Variants in SYN3 observed in about 807,000 individuals in gnomAD.
The protein encoded by SYN3 is synapsin III.
In SYN3, 35 loss-of-function variants were observed where a neutral mutation model predicts 65.8. The ratio of observed to expected loss-of-function variants is 0.53; its 90% CI spans 0.41 to 0.70. The LOEUF is 0.70. SYN3 is among the 30% of genes least tolerant of loss of function. SYN3 has a pLI of 0.00. For missense variants in SYN3, 680 were observed against 749.0 expected, an observed-to-expected ratio of 0.91 and a Z score of 1.08; for synonymous variants, 270 against 292.9, an observed-to-expected ratio of 0.92 and a Z score of 0.80.
intron 4 of SYN3, among the ~76,000 whole-genome samples, chr22:32,894,226 A>G (rs560258388): frequency 6.0e-4 from 91 of 152,360 alleles, no homozygotes; most frequent in African/African-American, 2.1e-3. Context: ...TCAGTCACCA[A>G]ATTGTAGCCT....
chr22:33,049,743 G>A (rs5754396), intron 1 of SYN3, among the ~76,000 whole-genome samples: 14 of 152,258 alleles, frequency 9.2e-5, no homozygotes, highest in East Asian at 3.9e-4. Context: ...GGTGCCAGCC[G>A]CACGCAGGAG....
At chr22:32,811,257 A>G (rs1258938392) in intron 6 of SYN3, among the ~76,000 whole-genome samples, 1 of 152,152 alleles carries the variant, frequency 6.6e-6, no homozygotes, top group Admixed American at 6.5e-5. Flanking sequence ...GGAGCCAAAG[A>G]CTCAGGTGGA....
At chr22:32,740,166 CA>C (rs1294173810) in intron 6 of SYN3, among the ~76,000 whole-genome samples, 1 of 152,158 alleles carries the variant, frequency 6.6e-6, no homozygotes, top group Non-Finnish European at 1.5e-5. Context: ...GGGTTAGACT[CA>C]AAATGGAACT....
intron 3 of SYN3, among the ~76,000 whole-genome samples, chr22:32,953,507 T>C (rs1284359826): frequency 1.7e-5 from 2 of 119,442 alleles, no homozygotes; most frequent in East Asian, 2.4e-4. Context: ...CAAAGTGAGG[T>C]AGCAAAACCT....
chr22:32,705,549 G>C (rs1378269823), intron 6 of SYN3, among the ~76,000 whole-genome samples: 2 of 152,140 alleles, frequency 1.3e-5, no homozygotes, highest in Non-Finnish European at 2.9e-5. Flanking sequence ...CTCTTTTATG[G>C]TTCCATGTAA....
intron 1 of SYN3, among the ~76,000 whole-genome samples, chr22:33,016,698 T>C (rs1364089532): frequency 2.0e-5 from 3 of 152,236 alleles, no homozygotes; most frequent in Non-Finnish European, 4.4e-5. Flanking sequence ...CACTTGTATG[T>C]CTTCTTTTGA....
At chr22:32,613,237 C>T (rs1212867131) in intron 6 of SYN3, among the ~76,000 whole-genome samples, 1 of 151,768 alleles carries the variant, frequency 6.6e-6, no homozygotes, top group Non-Finnish European at 1.5e-5. Context: ...TACCCAGTCT[C>T]AGGTAGTTCT....
chr22:32,707,837 C>G (rs766999912), intron 6 of SYN3, among the ~76,000 whole-genome samples: 4 of 152,186 alleles, frequency 2.6e-5, no homozygotes, highest in Non-Finnish European at 4.4e-5. Flanking sequence ...TCCATAAGGG[C>G]TCCTGGGCTG....
chr22:32,881,529 C>T (rs1056306006), intron 4 of SYN3, among the ~76,000 whole-genome samples: 2 of 152,168 alleles, frequency 1.3e-5, no homozygotes, highest in African/African-American at 2.4e-5. Context: ...AGATGCTAAA[C>T]GCTCCTGCCT....
intron 6 of SYN3, among the ~76,000 whole-genome samples, chr22:32,714,631 T>G (rs1361896009): frequency 2.0e-5 from 3 of 152,060 alleles, no homozygotes; most frequent in African/African-American, 7.2e-5. Context: ...TAAGTATAGC[T>G]CATGACCTGC....
chr22:32,543,919 G>A (rs1419909007), intron 7 of SYN3, among the ~76,000 whole-genome samples: 5 of 152,224 alleles, frequency 3.3e-5, no homozygotes, highest in Non-Finnish European at 5.9e-5. Flanking sequence ...TAGAAAGATG[G>A]AAGGACCTGG....
At chr22:32,728,867 C>G (rs182752066) in intron 6 of SYN3, among the ~76,000 whole-genome samples, 1 of 152,184 alleles carries the variant, frequency 6.6e-6, no homozygotes, top group East Asian at 1.9e-4. Context: ...GTAGTCAGTC[C>G]CTGTGTGTGG....
At chr22:32,544,274 C>T (rs1209420493) in intron 7 of SYN3, among the ~76,000 whole-genome samples, 1 of 152,224 alleles carries the variant, frequency 6.6e-6, no homozygotes, top group Non-Finnish European at 1.5e-5. Context: ...AGCCAAATGA[C>T]ATTTCTGCTC....
intron 3 of SYN3, 128 bp from the exon 4 acceptor site, chr22:32,931,609 C>T (rs571018965): frequency 7.4e-5 from 47 of 635,708 alleles, no homozygotes; most frequent in South Asian, 5.7e-4. Flanking sequence ...AGGAAGTTGC[C>T]GATATTATTT....
At chr22:33,044,493 T>C (rs2054023422) in intron 1 of SYN3, among the ~76,000 whole-genome samples, 1 of 152,064 alleles carries the variant, frequency 6.6e-6, no homozygotes, top group Non-Finnish European at 1.5e-5. Flanking sequence ...ATCCCATCCC[T>C]AAACAGACAC....
chr22:33,008,924 CAAAAAAAAAA>C (rs201719238), intron 1 of SYN3, among the ~76,000 whole-genome samples: 62 of 57,072 alleles, frequency 1.1e-3, no homozygotes, highest in African/African-American at 3.6e-3. Flanking sequence ...GACTTTATCT[CAAAAAAAAAA>C]AAAAAAAAAA....
intron 6 of SYN3, among the ~76,000 whole-genome samples, chr22:32,604,819 C>G (rs1376982553): frequency 6.6e-6 from 1 of 151,934 alleles, no homozygotes; most frequent in African/African-American, 2.4e-5. Flanking sequence ...TCCTGGCTAA[C>G]ACGGTGAAAC....
At chr22:32,627,189 G>T (rs976263099) in intron 6 of SYN3, among the ~76,000 whole-genome samples, 1 of 151,948 alleles carries the variant, frequency 6.6e-6, no homozygotes. Context: ...GCAGGGCTGG[G>T]CATCCGAGCT....
chr22:32,796,929 T>TC (rs2046443064), intron 6 of SYN3, among the ~76,000 whole-genome samples: 1 of 152,100 alleles, frequency 6.6e-6, no homozygotes, highest in Admixed American at 6.5e-5. Flanking sequence ...AGAGAGCATC[T>TC]CCCCCTTTGG....
Sources: gnomAD v4.1 joint callset for allele counts (sites outside exome capture counted in the v4.1 genomes callset) on GRCh38, gnomAD v4.1.1 for gene constraint, MANE v1.5 for transcripts, NCBI Gene and HGNC (gene_info 2026-07-23, HGNC 2026-07-21) for gene names.